The following SLAMF9 variants were observed in gnomAD, a reference collection of about 807,000 sequenced individuals.
SLAMF9 encodes CD2 family member 10.
In SLAMF9, 25 loss-of-function variants were observed where a neutral mutation model predicts 30.4. The ratio of observed to expected loss-of-function variants is 0.82; its 90% CI spans 0.60 to 1.15. The LOEUF (loss-of-function observed/expected upper bound fraction) is 1.15, where lower values mean the gene tolerates loss of function less well. SLAMF9 is among the 50% of genes most tolerant of loss of function. SLAMF9 has a pLI of 0.00. For missense variants in SLAMF9, 344 were observed against 346.1 expected, an observed-to-expected ratio of 0.99 and a Z score of 0.05; for synonymous variants, 129 against 127.2, an observed-to-expected ratio of 1.01 and a Z score of -0.09.
At chr1:159,952,138 C>G in intron 3 of SLAMF9, 124 bp downstream of exon 3, 1 of 1,154,250 alleles carries the variant, frequency 8.7e-7, no homozygotes, top group South Asian at 1.5e-5. Flanking sequence ...AGGTGTCAAG[C>G]CTCCATGGGA....
At chr1:159,975,495 G>T in the SLAMF9 span, among the ~76,000 whole-genome samples, 24 of 152,252 alleles carry the variant, frequency 1.6e-4, no homozygotes, top group African/African-American at 5.5e-4. Flanking sequence ...CTGTGAAGAG[G>T]ATGTGCTAAG....
At chr1:159,973,136 G>C in the SLAMF9 span, 1 of 1,538,090 alleles carries the variant, frequency 6.5e-7, no homozygotes, top group South Asian at 1.1e-5. Context: ...TGTCCTGCAA[G>C]GTGTGGCCAT....
the SLAMF9 span, among the ~76,000 whole-genome samples, chr1:159,975,270 A>G: frequency 6.6e-6 from 1 of 152,214 alleles, no homozygotes; most frequent in East Asian, 1.9e-4. Context: ...AAAAAGAGAT[A>G]AAGTGTGACA....
At chr1:159,961,743 C>CT in the SLAMF9 span, among the ~76,000 whole-genome samples, 2 of 152,130 alleles carry the variant, frequency 1.3e-5, no homozygotes, top group South Asian at 4.1e-4. Flanking sequence ...ACAGAAGAAG[C>CT]CCACACAGGC....
chr1:159,953,641 C>T lies in SLAMF9; in HGVS notation c.59G>A (p.Arg20Lys). The T allele has an allele frequency of 6.2e-7, 1 of 1,600,530 alleles. No individual in the cohort carries two copies. Among genetic ancestry groups the T allele is most frequent in the East Asian group, 2.2e-5 (1 of 44,580 alleles). The change falls in exon 2 of 4, where the codon AGA (arginine) becomes AAA (lysine). Residue 20 changes from arginine to lysine, a missense_variant. By Grantham distance (26) the Arg-to-Lys change is conservative. Coordinates refer to ENST00000368093, the MANE Select transcript of SLAMF9 (RefSeq NM_033438.4). ...LLLLQEGSQRRLWRWCGSEEV... is the reference protein window; with the variant it reads ...LLLLQEGSQRKLWRWCGSEEV... ...CTCGGATCCACACCATCTCCAGAGT[C>T]TCCTTTGGCTGCCTATGCAGGAAGA...
the SLAMF9 span, among the ~76,000 whole-genome samples, chr1:159,981,918 T>C: frequency 6.6e-6 from 1 of 152,220 alleles, no homozygotes; most frequent in Admixed American, 6.5e-5. Flanking sequence ...CTGATCCTCT[T>C]CCCAGCCTGC....
chr1:159,952,614 ACTAAT>A, intron 2 of SLAMF9, 80 bp from the exon 3 acceptor site: 8 of 1,465,330 alleles, frequency 5.5e-6, no homozygotes, highest in South Asian at 1.2e-5. Context: ...AACCTGGGGT[ACTAAT>A]GCTACCCCTT....
chr1:159,963,842 C>T, the SLAMF9 span, among the ~76,000 whole-genome samples: 1 of 152,046 alleles, frequency 6.6e-6, no homozygotes, highest in Non-Finnish European at 1.5e-5. Flanking sequence ...GGGCAGATCA[C>T]GAGGTCAGGA....
At chr1:159,973,575 C>T in the SLAMF9 span, among the ~76,000 whole-genome samples, 2 of 152,194 alleles carry the variant, frequency 1.3e-5, no homozygotes, top group African/African-American at 2.4e-5. Context: ...CAGTGCCCCA[C>T]TCCCAGGAAT....
upstream of SLAMF9, among the ~76,000 whole-genome samples, chr1:159,956,394 G>A (rs755224510): frequency 2.0e-5 from 3 of 152,018 alleles, no homozygotes; most frequent in East Asian, 1.9e-4. Context: ...TGTTGAGCCC[G>A]GGAGTTTGAG....
chr1:159,966,448 A>G, the SLAMF9 span, among the ~76,000 whole-genome samples: 1 of 152,222 alleles, frequency 6.6e-6, no homozygotes, highest in Non-Finnish European at 1.5e-5. Flanking sequence ...TCCTTTCAAC[A>G]CAGCCATTTT....
At chr1:159,973,751 C>T in the SLAMF9 span, 2 of 1,572,198 alleles carry the variant, frequency 1.3e-6, no homozygotes, top group Non-Finnish European at 1.8e-6. Flanking sequence ...AGACGGGACC[C>T]CTGAGAGGCA....
At chr1:159,973,468 C>T in the SLAMF9 span, among the ~76,000 whole-genome samples, 1 of 152,174 alleles carries the variant, frequency 6.6e-6, no homozygotes, top group East Asian at 1.9e-4. Context: ...CACAGCCAGA[C>T]CCTTCTGGAA....
At chr1:159,960,771 A>C in the SLAMF9 span, among the ~76,000 whole-genome samples, 8 of 152,140 alleles carry the variant, frequency 5.3e-5, no homozygotes, top group African/African-American at 7.2e-5. Context: ...GGCTTTCCCT[A>C]TGACAGTGGA....
At chr1:159,962,425 A>G in the SLAMF9 span, among the ~76,000 whole-genome samples, 3 of 151,978 alleles carry the variant, frequency 2.0e-5, no homozygotes, top group African/African-American at 7.3e-5. Context: ...GGCGGCGGAG[A>G]TTTGAACATA....
upstream of SLAMF9, among the ~76,000 whole-genome samples, chr1:159,957,741 T>G (rs1204277273): frequency 6.6e-6 from 1 of 152,232 alleles, no homozygotes; most frequent in Non-Finnish European, 1.5e-5. Context: ...TATTCATATT[T>G]TAAAACAACA....
At chr1:159,954,443 C>T (rs904766176), upstream of SLAMF9, among the ~76,000 whole-genome samples, 1 of 152,170 alleles carries the variant, frequency 6.6e-6, no homozygotes, top group Non-Finnish European at 1.5e-5. Context: ...TTCAAGACTT[C>T]CTACCCGCCC....
chr1:159,955,544 G>C (rs531383074), upstream of SLAMF9, among the ~76,000 whole-genome samples: 2 of 152,318 alleles, frequency 1.3e-5, no homozygotes, highest in East Asian at 3.9e-4. Context: ...TCAGAAATCT[G>C]TTAAATGTTT....
chr1:159,966,658 T>G, the SLAMF9 span, among the ~76,000 whole-genome samples: 1 of 152,230 alleles, frequency 6.6e-6, no homozygotes, highest in Non-Finnish European at 1.5e-5. Flanking sequence ...AAAGCCATTC[T>G]AACAGGTGTG....
Sources: allele counts gnomAD v4.1 joint callset (sites outside exome capture counted in the v4.1 genomes callset), GRCh38; gene constraint gnomAD v4.1.1; transcripts MANE v1.5; gene names NCBI Gene and HGNC (gene_info 2026-07-23, HGNC 2026-07-21).